C1orf167: variants seen among roughly 807,000 people sequenced by gnomAD.
C1orf167 encodes uncharacterized protein C1orf167.
C1orf167 carries 153 observed loss-of-function variants against 176.5 expected under a neutral mutation model. That is an observed-to-expected ratio of 0.87 (90% confidence interval 0.76 to 0.99). The LOEUF (loss-of-function observed/expected upper bound fraction) is 0.99, where lower values mean the gene tolerates loss of function less well. Ranked by LOEUF, C1orf167 falls within the 50% of genes least tolerant of loss-of-function variation. The pLI, the probability that C1orf167 is intolerant of heterozygous loss-of-function variation, is 0.00. For synonymous variants in C1orf167, 594 were observed against 752.7 expected, an observed-to-expected ratio of 0.79 and a Z score of 3.45; for missense variants, 1,490 against 1,817.7, an observed-to-expected ratio of 0.82 and a Z score of 3.28.
intron 15 of C1orf167, among the ~76,000 whole-genome samples, 195 bp from the exon 16 acceptor site, chr1:11,784,953 G>A (rs1557743763): frequency 1.3e-5 from 2 of 152,192 alleles, no homozygotes; most frequent in African/African-American, 2.4e-5. Context: ...GTCCCCGTCT[G>A]TGATTTTCTC....
intron 11 of C1orf167, 30 bp from the exon 12 acceptor site, chr1:11,778,896 G>A (rs1321352649): frequency 7.7e-7 from 1 of 1,299,748 alleles, no homozygotes; most frequent in South Asian, 1.2e-5. Flanking sequence ...ACAGGGTAGG[G>A]GACCAAGGAC....
chr1:11,780,910 A>G (rs1338727472), intron 13 of C1orf167, among the ~76,000 whole-genome samples: 1 of 149,244 alleles, frequency 6.7e-6, no homozygotes, highest in Non-Finnish European at 1.5e-5. Context: ...GAATGTGGCC[A>G]GTGAAGGGAG....
chr1:11,775,243 C>T (rs1182213675), intron 8 of C1orf167, among the ~76,000 whole-genome samples, 192 bp from the exon 9 acceptor site: 4 of 152,136 alleles, frequency 2.6e-5, no homozygotes, highest in Non-Finnish European at 5.9e-5. Context: ...GACCAGAGAT[C>T]GCACCATTGC....
chr1:11,789,025 T>C, intron 20 of C1orf167: 2 of 389,370 alleles, frequency 5.1e-6, no homozygotes, highest in Non-Finnish European at 4.9e-6. Flanking sequence ...CACTAGCCCA[T>C]GGAGGGCCTG....
intron 15 of C1orf167, 98 bp from the exon 16 acceptor site, chr1:11,785,050 G>A (rs1557743844): frequency 9.2e-7 from 1 of 1,082,642 alleles, no homozygotes; most frequent in African/African-American, 1.7e-5. Context: ...GCCTGGGGCT[G>A]GGCCCGGAAG....
chr1:11,788,375 C>T lies in C1orf167; in HGVS notation c.4075C>T (p.Pro1359Ser), dbSNP rs751130740. Residue 1359 changes from proline (P) to serine (S), a missense_variant, in exon 19 of 21, where the codon CCT (proline) becomes TCT (serine). Coordinates refer to ENST00000688073, the MANE Select transcript of C1orf167 (RefSeq NM_001010881.2). Reference protein sequence around the residue: ...CPRGRAAGADPAQGVAPEMGL... With the variant: ...CPRGRAAGADSAQGVAPEMGL... ...AAGGGGCAGAGCAGCTGGTGCGGAC[C>T]CTGGTGAGTGGGTGCACCCCTCTCC... The T allele has an allele frequency of 7.7e-7, 1 of 1,291,758 alleles. No individual in the cohort carries two copies. Among genetic ancestry groups the T allele is most frequent in the South Asian group, 1.2e-5 (1 of 80,608 alleles). The allele number at this position is 1,291,758 out of a possible 1,614,324, so 80.0% of individuals were successfully genotyped here.
chr1:11,781,033 G>A (rs1428792971), intron 13 of C1orf167, among the ~76,000 whole-genome samples: 2 of 114,634 alleles, frequency 1.7e-5, no homozygotes, highest in African/African-American at 3.4e-5. Flanking sequence ...AGACGATCTC[G>A]CTGTGTTGCC....
rs1354882280 is a variant in C1orf167 at position 11,788,219 on chromosome 1, G to C, written c.3919G>C (p.Gly1307Arg). 8 of 1,303,626 alleles carry C rather than the reference G, an allele frequency of 6.1e-6. No homozygotes were observed. The highest frequency in any genetic ancestry group is 8.1e-6 in the Non-Finnish European group (8 of 988,400). The allele number at this position is 1,303,626 out of a possible 1,614,324, so 80.8% of individuals were successfully genotyped here. ...HGSALLLALK[G>R]HDALGHQEEV... The stretch of plus-strand genomic sequence containing the variant: ...CTCTGCCCTCCTTCTGGCCCTGAAG[G>C]GTCACGATGCTCTTGGCCATCAGGA... The change falls in exon 19 of 21, where the codon GGT becomes CGT. Residue 1307 changes from glycine to arginine, a missense_variant. By Grantham distance (125) the Gly-to-Arg change is moderately radical (BLOSUM62 -2). Transcript: ENST00000688073.
Position 11,762,233 on chromosome 1 carries a change from CGT to C in C1orf167, c.-142_-141del. On this transcript the variant is annotated 5_prime_UTR_variant, in exon 1 of 21. Coordinates refer to ENST00000688073, the MANE Select transcript of C1orf167 (RefSeq NM_001010881.2). The stretch of plus-strand genomic sequence containing the variant: ...CCGCGACCTGCCGACCTGCGGGGAT[CGT>C]TAGCGGTCCCAGCCCCCGTCTAGAT... 2.3e-6 allele frequency: 1 copy of C among 443,882 alleles called. No individual in the cohort carries two copies. The highest frequency in any genetic ancestry group is 1.6e-5 in the South Asian group (1 of 63,500). The allele number at this position is 443,882 out of a possible 1,614,324, so 27.5% of individuals were successfully genotyped here. A position where few individuals can be genotyped will look rare whatever the true frequency, so the allele number is the denominator to read the frequency against.
At chr1:11,781,646 C>T (rs920256651) in intron 13 of C1orf167, among the ~76,000 whole-genome samples, 5 of 152,174 alleles carry the variant, frequency 3.3e-5, no homozygotes, top group East Asian at 1.9e-4. Flanking sequence ...CGCAGTGGCT[C>T]ACGCCTGTAA....
chr1:11,789,389 C>G lies in C1orf167; in HGVS notation c.4293C>G (p.Ala1431=). The change falls in exon 21 of 21, where the codon GCC becomes GCG. Residue 1431 remains alanine, a synonymous_variant. Transcript: ENST00000688073. ...GCCCCGAGAGTGGACAGGAAGCCGCCAGAGCACCGCGGGGTTGGGGGCTTG... is the reference window on the plus strand; with the variant it reads ...GCCCCGAGAGTGGACAGGAAGCCGCGAGAGCACCGCGGGGTTGGGGGCTTG... The part of the protein sequence containing the change: ...PKGPESGQEA[A]RAPRGWGLGA... 7.7e-7 allele frequency: 1 copy of G among 1,304,140 alleles called. No individual in the cohort carries two copies. The highest frequency in any genetic ancestry group is 1.2e-5 in the South Asian group (1 of 81,018). 80.8% of individuals were successfully genotyped at this position (1,304,140 alleles called of 1,614,324 possible).
chr1:11,788,159 T>C lies in C1orf167; in HGVS notation c.3859T>C (p.Cys1287Arg), dbSNP rs1267659628. The C allele has an allele frequency of 1.6e-6, 2 of 1,289,126 alleles. No individual in the cohort carries two copies. Among genetic ancestry groups the C allele is most frequent in the Admixed American group, 4.6e-5 (2 of 43,148 alleles). 79.9% of individuals were successfully genotyped at this position (1,289,126 alleles called of 1,614,324 possible). A position where few individuals can be genotyped will look rare whatever the true frequency, so the allele number is the denominator to read the frequency against. ...GCCCTCTCTGGCCAGTGCTCGTTCC[T>C]GCAGGATCCTGGAAAAGCAGGCCCA... ...AHKRRLRARS[C>R]RILEKQAQAH... Residue 1287 changes from cysteine (C) to arginine (R), a missense_variant, in exon 19 of 21, where the codon TGC (cysteine) becomes CGC (arginine). By Grantham distance (180) the Cys-to-Arg change is radical (BLOSUM62 -3). Transcript: ENST00000688073.
rs929277303 is a variant in C1orf167 at position 11,779,808 on chromosome 1, C to T, written c.2658C>T (p.Phe886=). The T allele has an allele frequency of 7.7e-7, 1 of 1,301,494 alleles. No individual in the cohort carries two copies. Among genetic ancestry groups the T allele is most frequent in the Non-Finnish European group, 1.0e-6 (1 of 987,772 alleles). The allele number at this position is 1,301,494 out of a possible 1,614,324, so 80.6% of individuals were successfully genotyped here. The part of the protein sequence containing the change: ...WYQHTRQRRI[F]LSWSRWATAQ... Reference sequence around the variant, plus strand: ...TGGACCCTCCCTTTCCCAGCATCTTCCTCAGCTGGAGCCGCTGGGCAACAG... The same window carrying T: ...TGGACCCTCCCTTTCCCAGCATCTTTCTCAGCTGGAGCCGCTGGGCAACAG... The change falls in exon 13 of 21, where the codon TTC becomes TTT. Residue 886 remains phenylalanine, a synonymous_variant. Transcript: ENST00000688073.
rs1306558447 is a variant in C1orf167, at chr1:11,788,137, C to T, written c.3849-12C>T. 7.8e-7 allele frequency: 1 copy of T among 1,280,952 alleles called. No individual in the cohort carries two copies. The highest frequency in any genetic ancestry group is 1.0e-6 in the Non-Finnish European group (1 of 971,450). 79.3% of individuals were successfully genotyped at this position (1,280,952 alleles called of 1,614,324 possible). A position where few individuals can be genotyped will look rare whatever the true frequency, so the allele number is the denominator to read the frequency against. Reference sequence around the variant, plus strand: ...CCTGAGCCATGGCTACAGCTGGGCCCTCTCTGGCCAGTGCTCGTTCCTGCA... The same window carrying T: ...CCTGAGCCATGGCTACAGCTGGGCCTTCTCTGGCCAGTGCTCGTTCCTGCA... On this transcript the variant is annotated splice_polypyrimidine_tract_variant and intron_variant, in intron 18 of 20. Coordinates refer to ENST00000688073, the MANE Select transcript of C1orf167 (RefSeq NM_001010881.2).
In C1orf167 at chr1:11,789,430, C is replaced by T. The variant is rs572143295; in HGVS notation, c.4334C>T (p.Ala1445Val). 21 of 1,303,898 alleles carry T rather than the reference C, an allele frequency of 1.6e-5. No homozygotes were observed. The African/African-American group carries it at 3.0e-4, about 19-fold the overall frequency. The allele number at this position is 1,303,898 out of a possible 1,614,324, so 80.8% of individuals were successfully genotyped here. A position where few individuals can be genotyped will look rare whatever the true frequency, so the allele number is the denominator to read the frequency against. ...RGWGLGAEHG[A>V]QLQL ...TGGGGGCTTGGGGCAGAGCATGGGG[C>T]CCAGCTGCAGCTGTGACTTGTTCTC... The change falls in exon 21 of 21, where the codon GCC becomes GTC. Residue 1445 changes from alanine to valine, a missense_variant. Ala to Val is a moderately conservative substitution (Grantham distance 64, BLOSUM62 0). Transcript: ENST00000688073.
At chr1:11,762,392 C>G (rs1642549813) in intron 1 of C1orf167, 87 bp downstream of exon 1, 21 of 220,892 alleles carry the variant, frequency 9.5e-5, no homozygotes, top group South Asian at 1.8e-4. Flanking sequence ...CTTAAGTGGA[C>G]AGGGGTGGGG....
At position 11,771,540 on chromosome 1, in the gene C1orf167, G is replaced by A. The variant is rs1314865811; in HGVS notation, c.1714G>A (p.Glu572Lys). ...TGCTTTTAGTCCAGGAAGTCTGAGG[G>A]AGGAGGAGATTGCTCAGCGGCTTCT... The part of the protein sequence containing the change: ...LEHTSPGSLR[E>K]EEIAQRLLSH... Residue 572 changes from glutamate to lysine, a missense_variant, in exon 7 of 21, where the codon GAG becomes AAG. Physicochemically the swap from Glu to Lys is moderately conservative, Grantham distance 56. Transcript: ENST00000688073. 4.7e-6 allele frequency: 6 copies of A among 1,289,472 alleles called. No individual in the cohort carries two copies. The highest frequency in any genetic ancestry group is 6.1e-6 in the Non-Finnish European group (6 of 988,722). The allele number at this position is 1,289,472 out of a possible 1,614,324, so 79.9% of individuals were successfully genotyped here. A position where few individuals can be genotyped will look rare whatever the true frequency, so the allele number is the denominator to read the frequency against.
chr1:11,779,703 C>T lies in C1orf167; in HGVS notation c.2652-99C>T, dbSNP rs111360980. On this transcript the variant is annotated intron_variant, in intron 12 of 20. Coordinates refer to ENST00000688073, the MANE Select transcript of C1orf167 (RefSeq NM_001010881.2). ...GAAACAGAAGAGTCACCCAGAGCCT[C>T]CTGCTGCTGGGGAGAGGAAGAGAAA... is the stretch of plus-strand genomic sequence containing the variant. 2.1e-5 allele frequency: 20 copies of T among 942,750 alleles called. No individual in the cohort carries two copies. The African/African-American group carries it at 2.7e-4, about 13-fold the overall frequency. The allele number at this position is 942,750 out of a possible 1,614,324, so 58.4% of individuals were successfully genotyped here.
Position 11,788,047 on chromosome 1 carries a change from G to A in C1orf167, c.3848G>A (p.Arg1283His), listed in dbSNP as rs1321102822. ...AQSKAHKRRL[R>H]ARSCRILEKQ... ...AGCAAGGCCCATAAACGGAGGCTACGGTAAGAGGAGCTGTGTGTGCAGTTT... is the reference window on the plus strand; with the variant it reads ...AGCAAGGCCCATAAACGGAGGCTACAGTAAGAGGAGCTGTGTGTGCAGTTT... Residue 1283 changes from arginine (R) to histidine (H), a missense_variant and splice_region_variant, in exon 18 of 21, where the codon CGT becomes CAT. By Grantham distance (29) the Arg-to-His change is conservative. Coordinates refer to ENST00000688073, the MANE Select transcript of C1orf167 (RefSeq NM_001010881.2). 1.7e-5 allele frequency: 22 copies of A among 1,294,060 alleles called. No individual in the cohort carries two copies. Among genetic ancestry groups the A allele is most frequent in the East Asian group, 5.6e-5 (1 of 17,880 alleles). The allele number at this position is 1,294,060 out of a possible 1,614,324, so 80.2% of individuals were successfully genotyped here.
Sources: gnomAD v4.1 joint callset for allele counts (sites outside exome capture counted in the v4.1 genomes callset) on GRCh38, gnomAD v4.1.1 for gene constraint, MANE v1.5 for transcripts, NCBI Gene and HGNC (gene_info 2026-07-23, HGNC 2026-07-21) for gene names.